Variants in ATP8A1 observed in about 807,000 individuals in gnomAD.
ATP8A1 encodes ATPase phospholipid transporting 8A1, also known as phospholipid-transporting ATPase IA.
Under a neutral mutation model 177.7 loss-of-function variants are expected in ATP8A1, and 90 were observed. The observed-to-expected ratio is 0.51, with a 90% CI of 0.43 to 0.60. The LOEUF is 0.60. ATP8A1 is among the 20% of genes least tolerant of loss of function. The pLI is 0.00. For missense variants in ATP8A1, 1,072 were observed against 1,392.8 expected (o/e 0.77, Z 3.67); for synonymous variants, 493 against 485.9 (o/e 1.01, Z -0.19).
intron 1 of ATP8A1, among the ~76,000 whole-genome samples, chr4:42,635,433 A>G (rs1040305653): frequency 1.3e-5 from 2 of 152,052 alleles, no homozygotes; most frequent in Non-Finnish European, 2.9e-5. Context: ...TTAGGCATTA[A>G]AGGGACCATA....
intron 31 of ATP8A1, among the ~76,000 whole-genome samples, chr4:42,446,098 A>AAAAAAAAAAAAAAAAG (rs1553874360): frequency 1.4e-5 from 2 of 146,896 alleles, no homozygotes; most frequent in African/African-American, 5.0e-5. Flanking sequence ...AAAAAAAAAA[A>AAAAAAAAAAAAAAAAG]AGAGAAGAGA....
intron 2 of ATP8A1, 40 bp from the exon 3 acceptor site, chr4:42,625,753 T>C (rs1355697673): frequency 1.2e-5 from 15 of 1,237,200 alleles, no homozygotes; most frequent in Non-Finnish European, 1.7e-5. Flanking sequence ...AACTTCTCCA[T>C]AATTAGCACC....
intron 6 of ATP8A1, among the ~76,000 whole-genome samples, chr4:42,594,964 T>G (rs1287841344): frequency 6.6e-6 from 1 of 152,152 alleles, no homozygotes; most frequent in Non-Finnish European, 1.5e-5. Flanking sequence ...CCTCTTAGCA[T>G]TTTTCTGAGC....
At chr4:42,555,626 C>T (rs376838631) in intron 16 of ATP8A1, among the ~76,000 whole-genome samples, 1 of 152,008 alleles carries the variant, frequency 6.6e-6, no homozygotes, top group East Asian at 1.9e-4. Flanking sequence ...GAGTTTAAGA[C>T]CAGCCTGACC....
chr4:42,623,738 T>G (rs752025468), intron 4 of ATP8A1, among the ~76,000 whole-genome samples: 26 of 152,164 alleles, frequency 1.7e-4, no homozygotes, highest in Non-Finnish European at 2.8e-4. Flanking sequence ...GAAAAATAAC[T>G]AAAAGTAACT....
intron 25 of ATP8A1, among the ~76,000 whole-genome samples, chr4:42,481,846 G>T (rs551422946): frequency 6.6e-6 from 1 of 152,202 alleles, no homozygotes; most frequent in Non-Finnish European, 1.5e-5. Flanking sequence ...CAAATCATGA[G>T]AATCAGTGGA....
intron 20 of ATP8A1, among the ~76,000 whole-genome samples, chr4:42,534,560 G>T (rs540631159): frequency 6.6e-6 from 1 of 152,194 alleles, no homozygotes; most frequent in East Asian, 1.9e-4. Context: ...CTAAGGAAGA[G>T]AAATCTAAAA....
intron 24 of ATP8A1, among the ~76,000 whole-genome samples, chr4:42,490,036 T>C (rs146267652): frequency 3.2e-4 from 48 of 152,176 alleles, no homozygotes; most frequent in African/African-American, 1.1e-3. Flanking sequence ...TCTGGGGAGA[T>C]GGACAGGTAA....
chr4:42,412,773 G>C lies in ATP8A1; in HGVS notation c.*143C>G. 1 of 637,802 alleles carries C rather than the reference G, an allele frequency of 1.6e-6. No individual in the cohort carries two copies. 39.5% of individuals were successfully genotyped at this position (637,802 alleles called of 1,614,324 possible). On this transcript the variant is annotated 3_prime_UTR_variant, in exon 37 of 37. Coordinates refer to ENST00000381668, the MANE Select transcript of ATP8A1 (RefSeq NM_006095.2). Reference sequence around the variant, plus strand: ...CAGTGCTTATGTCTATAATATACATGAATCTGAATGTCCATCAGCGAGATG... The same window carrying C: ...CAGTGCTTATGTCTATAATATACATCAATCTGAATGTCCATCAGCGAGATG...
intron 25 of ATP8A1, among the ~76,000 whole-genome samples, chr4:42,471,580 C>G (rs1296771136): frequency 1.3e-5 from 2 of 152,174 alleles, no homozygotes; most frequent in Non-Finnish European, 2.9e-5. Context: ...CATGTGTGCA[C>G]TAATTAGCAA....
intron 19 of ATP8A1, among the ~76,000 whole-genome samples, chr4:42,548,724 A>T (rs1345065797): frequency 6.6e-6 from 1 of 152,124 alleles, no homozygotes; most frequent in East Asian, 1.9e-4. Flanking sequence ...CATCCTTCCC[A>T]GCCTCTGGTA....
At chr4:42,570,604 C>T (rs925594074) in intron 14 of ATP8A1, among the ~76,000 whole-genome samples, 5 of 152,322 alleles carry the variant, frequency 3.3e-5, no homozygotes, top group South Asian at 2.1e-4. Context: ...ACAACTCTGG[C>T]GCAGCCCTGG....
intron 22 of ATP8A1, among the ~76,000 whole-genome samples, chr4:42,507,802 A>C (rs1039953096): frequency 2.0e-5 from 3 of 147,588 alleles, no homozygotes; most frequent in Non-Finnish European, 1.5e-5. Context: ...AAAAAAAAAA[A>C]AAAAAAACAT....
chr4:42,656,882 C>A lies in ATP8A1; in HGVS notation c.-9G>T. On this transcript the variant is annotated 5_prime_UTR_variant, in exon 1 of 37. Transcript: ENST00000381668. Reference sequence around the variant, plus strand: ...CTCCGCATGGTGGGCATCGCGGCGGCGGCTGCAGGTGGGTCCTCAGCCCGG... The same window carrying A: ...CTCCGCATGGTGGGCATCGCGGCGGAGGCTGCAGGTGGGTCCTCAGCCCGG... The A allele has an allele frequency of 6.3e-7, 1 of 1,581,748 alleles. No individual in the cohort carries two copies. The highest frequency in any genetic ancestry group is 8.6e-7 in the Non-Finnish European group (1 of 1,164,276).
intron 29 of ATP8A1, among the ~76,000 whole-genome samples, chr4:42,452,556 C>A (rs182140772): frequency 4.9e-4 from 74 of 152,208 alleles, no homozygotes; most frequent in Non-Finnish European, 9.6e-4. Context: ...GATATATACT[C>A]GTTATAGCCA....
chr4:42,497,590 T>C (rs1005167056), intron 24 of ATP8A1, among the ~76,000 whole-genome samples: 8 of 152,144 alleles, frequency 5.3e-5, no homozygotes, highest in African/African-American at 1.9e-4. Flanking sequence ...CACTATAAAT[T>C]TGTGAACAAC....
intron 20 of ATP8A1, among the ~76,000 whole-genome samples, chr4:42,538,026 G>C (rs1397033369): frequency 6.6e-6 from 1 of 152,096 alleles, no homozygotes; most frequent in Non-Finnish European, 1.5e-5. Flanking sequence ...TACTATATAA[G>C]GCCATAGTCA....
chr4:42,506,381 C>T (rs758032341), intron 23 of ATP8A1, among the ~76,000 whole-genome samples: 17 of 152,150 alleles, frequency 1.1e-4, no homozygotes, highest in Non-Finnish European at 2.4e-4. Context: ...CATCAGACAC[C>T]AAATCTGCTG....
chr4:42,600,425 A>T, intron 6 of ATP8A1, 53 bp downstream of exon 6: 1 of 1,471,712 alleles, frequency 6.8e-7, no homozygotes, highest in South Asian at 1.3e-5. Context: ...TATATACTAG[A>T]GTACACCGCT....
Sources: allele counts gnomAD v4.1 joint callset (sites outside exome capture counted in the v4.1 genomes callset), GRCh38; gene constraint gnomAD v4.1.1; transcripts MANE v1.5; gene names NCBI Gene and HGNC (gene_info 2026-07-23, HGNC 2026-07-21).